The following ARID1B variants were observed in gnomAD, a reference collection of about 807,000 sequenced individuals.
ARID1B encodes the protein AT-rich interaction domain 1B, also known as AT-rich interactive domain-containing protein 1B.
Under a neutral mutation model 212.3 loss-of-function variants are expected in ARID1B, and 30 were observed. The observed-to-expected ratio is 0.14, with a 90% CI of 0.11 to 0.19. ARID1B has a LOEUF of 0.19. Among genes scored for constraint, ARID1B ranks in the 10% least tolerant of loss-of-function variants. The probability of loss-of-function intolerance (pLI) is 1.00; values close to 1 mark genes in which losing one functional copy is unlikely to be tolerated. For synonymous variants in ARID1B, 1,402 were observed against 1,301.7 expected (o/e 1.08, Z -1.66); for missense variants, 2,891 against 3,204.0 (o/e 0.90, Z 2.36).
chr6:156,980,793 C>G (rs928648523), intron 4 of ARID1B, among the ~76,000 whole-genome samples: 2 of 152,162 alleles, frequency 1.3e-5, no homozygotes, highest in African/African-American at 2.4e-5. Flanking sequence ...TTCAATGTAC[C>G]CAGGAGCTCA....
intron 8 of ARID1B, 88 bp from the exon 9 acceptor site, chr6:157,166,952 T>C (rs1791366383): frequency 6.6e-7 from 1 of 1,514,298 alleles, no homozygotes; most frequent in Non-Finnish European, 8.8e-7. Flanking sequence ...ACCCCTTACA[T>C]AAATGCATTA....
In ARID1B at chr6:157,210,111, G is replaced by A; in HGVS notation, c.*2220G>A. 4.3e-6 allele frequency: 1 copy of A among 232,534 alleles called. No individual in the cohort carries two copies. Among genetic ancestry groups the A allele is most frequent in the Non-Finnish European group, 8.5e-6 (1 of 117,646 alleles). 14.4% of individuals were successfully genotyped at this position (232,534 alleles called of 1,614,324 possible). A position where few individuals can be genotyped will look rare whatever the true frequency, so the allele number is the denominator to read the frequency against. Reference sequence around the variant, plus strand: ...CACGAGGAAAAAAATCATCTTTTCTGCAAACAGTCTCTCATCTGTCAACTC... The same window carrying A: ...CACGAGGAAAAAAATCATCTTTTCTACAAACAGTCTCTCATCTGTCAACTC... On this transcript the variant is annotated 3_prime_UTR_variant, in exon 20 of 20. Coordinates refer to ENST00000636930, the MANE Select transcript of ARID1B (RefSeq NM_001374828.1).
chr6:156,901,858 G>A, intron 3 of ARID1B: 1 of 308,728 alleles, frequency 3.2e-6, no homozygotes, highest in Non-Finnish European at 6.0e-6. Flanking sequence ...TTATTCAGGA[G>A]AAGGATTTTA....
intron 2 of ARID1B, among the ~76,000 whole-genome samples, chr6:156,872,478 C>T (rs1046368428): frequency 3.9e-5 from 6 of 152,080 alleles, no homozygotes; most frequent in African/African-American, 1.2e-4. Context: ...CGCACCACCA[C>T]GCCCAGTTAA....
chr6:156,880,726 C>A (rs866941747), intron 2 of ARID1B, among the ~76,000 whole-genome samples: 1 of 111,988 alleles, frequency 8.9e-6, no homozygotes, highest in African/African-American at 3.6e-5. Flanking sequence ...GGCCACGGAG[C>A]GAGACTCTGT....
At chr6:157,061,250 G>A (rs529694341) in intron 4 of ARID1B, among the ~76,000 whole-genome samples, 1 of 152,170 alleles carries the variant, frequency 6.6e-6, no homozygotes, top group South Asian at 2.1e-4. Flanking sequence ...ATTTACATTT[G>A]TTAGCTGTTT....
intron 4 of ARID1B, among the ~76,000 whole-genome samples, chr6:157,022,031 G>C (rs1418493326): frequency 6.6e-6 from 1 of 152,218 alleles, no homozygotes; most frequent in Non-Finnish European, 1.5e-5. Context: ...GGATGAGTTG[G>C]AACCCGTTCG....
At chr6:157,113,053 C>T (rs1460844229) in intron 6 of ARID1B, among the ~76,000 whole-genome samples, 5 of 151,938 alleles carry the variant, frequency 3.3e-5, no homozygotes, top group Admixed American at 3.3e-4. Context: ...TCCCAAGTAG[C>T]TGAGATTACA....
At chr6:156,814,185 G>A (rs9397972) in intron 1 of ARID1B, among the ~76,000 whole-genome samples, 11,995 of 152,148 alleles carry the variant, frequency 0.079, 711 homozygotes, top group East Asian at 0.27. Context: ...GGAGGCTGAG[G>A]TAGGAGGATC....
intron 4 of ARID1B, among the ~76,000 whole-genome samples, chr6:157,000,214 C>G (rs1778828547): frequency 6.6e-6 from 1 of 152,282 alleles, no homozygotes; most frequent in East Asian, 1.9e-4. Flanking sequence ...GGGAGGGAAC[C>G]AGGGCCAGAG....
chr6:156,874,847 G>T (rs914626881), intron 2 of ARID1B, among the ~76,000 whole-genome samples: 1 of 152,100 alleles, frequency 6.6e-6, no homozygotes, highest in African/African-American at 2.4e-5. Context: ...TGCCTTAAGC[G>T]TATCTCTTTA....
intron 5 of ARID1B, among the ~76,000 whole-genome samples, chr6:157,100,826 A>G (rs1786003121): frequency 1.3e-5 from 2 of 152,182 alleles, no homozygotes; most frequent in Non-Finnish European, 2.9e-5. Context: ...ACAAAATTAT[A>G]TTGTCATTTA....
At chr6:156,906,353 G>A (rs1167658834) in intron 3 of ARID1B, among the ~76,000 whole-genome samples, 1 of 151,736 alleles carries the variant, frequency 6.6e-6, no homozygotes, top group Non-Finnish European at 1.5e-5. Flanking sequence ...TTCGAGACCA[G>A]CCTGACCAAC....
intron 2 of ARID1B, among the ~76,000 whole-genome samples, chr6:156,889,344 T>A (rs1231153239): frequency 2.6e-5 from 4 of 152,232 alleles, no homozygotes; most frequent in Non-Finnish European, 4.4e-5. Context: ...TATCGAATAC[T>A]CTCGATTGGA....
chr6:156,989,648 G>A (rs1005208825), intron 4 of ARID1B, among the ~76,000 whole-genome samples: 30 of 152,224 alleles, frequency 2.0e-4, no homozygotes, highest in African/African-American at 7.2e-4. Flanking sequence ...TCTGTAAAAT[G>A]GAGATGATAA....
intron 2 of ARID1B, among the ~76,000 whole-genome samples, chr6:156,897,203 G>GCTTCTTCTTCTT (rs1562468041): frequency 1.3e-5 from 1 of 74,678 alleles, no homozygotes; most frequent in African/African-American, 4.9e-5. Context: ...TGCTGCTGCT[G>GCTTCTTCTTCTT]CTGCTGCTGC....
At chr6:156,966,381 C>CTTTCTTTTTTTTTTTT (rs1794742120) in intron 4 of ARID1B, among the ~76,000 whole-genome samples, 2 of 89,434 alleles carry the variant, frequency 2.2e-5, no homozygotes, top group African/African-American at 7.6e-5. Flanking sequence ...CTTTTCTTTT[C>CTTTCTTTTTTTTTTTT]TTTTCTTTTT....
intron 4 of ARID1B, among the ~76,000 whole-genome samples, chr6:157,041,914 C>G (rs751897066): frequency 2.0e-5 from 3 of 152,232 alleles, no homozygotes; most frequent in Non-Finnish European, 4.4e-5. Flanking sequence ...GAGCAGTTCA[C>G]TACTTGCCCT....
chr6:156,987,594 T>C (rs1404267539), intron 4 of ARID1B, among the ~76,000 whole-genome samples: 6 of 152,242 alleles, frequency 3.9e-5, no homozygotes, highest in Non-Finnish European at 5.9e-5. Flanking sequence ...CCTCCCAAAG[T>C]GCTGGGATTA....
Sources: allele counts gnomAD v4.1 joint callset (sites outside exome capture counted in the v4.1 genomes callset), GRCh38; gene constraint gnomAD v4.1.1; transcripts MANE v1.5; gene names NCBI Gene and HGNC (gene_info 2026-07-23, HGNC 2026-07-21).